Variants in TNFSF13 observed in about 807,000 individuals in gnomAD.
The protein encoded by TNFSF13 is TNF superfamily member 13, also known as tumor necrosis factor ligand superfamily member 13.
A neutral mutation model predicts 30.7 loss-of-function variants in TNFSF13; 18 were observed. That is an observed-to-expected ratio of 0.59 (90% CI 0.41 to 0.87). The LOEUF (loss-of-function observed/expected upper bound fraction) is 0.87, where lower values mean the gene tolerates loss of function less well. Among genes scored for constraint, TNFSF13 ranks in the 40% least tolerant of loss-of-function variants. The pLI is 0.00. For synonymous variants in TNFSF13, 116 were observed against 123.2 expected (o/e 0.94, Z 0.39); for missense variants, 286 against 308.8 (o/e 0.93, Z 0.55).
At chr17:7,560,578 TA>T (rs1489675291) in intron 5 of TNFSF13, 90 bp downstream of exon 5, 15 of 1,610,578 alleles carry the variant, frequency 9.3e-6, no homozygotes, top group Non-Finnish European at 1.3e-5. Context: ...GTTGGAAACC[TA>T]AACAGAGGCG....
chr17:7,560,270 T>C, intron 4 of TNFSF13, 80 bp from the exon 5 acceptor site: 1 of 1,611,392 alleles, frequency 6.2e-7, no homozygotes, highest in South Asian at 1.1e-5. Flanking sequence ...CCCTTCTTTC[T>C]TCCCTCGTTA....
chr17:7,559,339 A>T lies in TNFSF13; in HGVS notation c.258+42A>T, dbSNP rs771871932. ...GGGTGTCTGGGAGAGGATGGTTAGCATGGGGGGTCTCTGGGCCTCCTGGTC... is the reference window on the plus strand; with the variant it reads ...GGGTGTCTGGGAGAGGATGGTTAGCTTGGGGGGTCTCTGGGCCTCCTGGTC... On this transcript the variant is annotated intron_variant, in intron 1 of 5. Transcript: ENST00000338784. This position sits in a 1 kb window ranked among gnomAD's most constrained non-coding sequence, Gnocchi z 5.4. 2.6e-6 allele frequency: 4 copies of T among 1,540,006 alleles called. No homozygotes were observed. Among genetic ancestry groups the T allele is most frequent in the Non-Finnish European group, 3.5e-6 (4 of 1,140,666 alleles).
In TNFSF13 at chr17:7,560,125, T is replaced by C. The variant is rs768031680; in HGVS notation, c.462T>C (p.Gly154=). The C allele has an allele frequency of 1.2e-6, 2 of 1,614,040 alleles. No individual in the cohort carries two copies. The highest frequency in any genetic ancestry group is 1.7e-6 in the Non-Finnish European group (2 of 1,180,028). ...GAGGCCTACAGGCCCAAGGATATGGTGTCCGAATCCAGGATGCTGGAGTTT... is the reference window on the plus strand; with the variant it reads ...GAGGCCTACAGGCCCAAGGATATGGCGTCCGAATCCAGGATGCTGGAGTTT... ...RGRGLQAQGY[G]VRIQDAGVYL... The change falls in exon 4 of 6, where the codon GGT becomes GGC. Residue 154 remains glycine, a synonymous_variant. Transcript: ENST00000338784.
chr17:7,561,550 C>T lies in TNFSF13; in HGVS notation c.*717C>T, dbSNP rs2071205499. The T allele has an allele frequency of 6.1e-6, 1 of 163,400 alleles. No individual in the cohort carries two copies. The allele number at this position is 163,400 out of a possible 1,614,324, so 10.1% of individuals were successfully genotyped here. A position where few individuals can be genotyped will look rare whatever the true frequency, so the allele number is the denominator to read the frequency against. ...TGGTGTTGCCTCACTCCTCTGAGCT[C>T]TTCTTTCTGATCAAGCCCTGCTTAA... On this transcript the variant is annotated 3_prime_UTR_variant, in exon 6 of 6. Coordinates refer to ENST00000338784, the MANE Select transcript of TNFSF13 (RefSeq NM_003808.4). This position sits in a 1 kb window ranked among gnomAD's most constrained non-coding sequence, Gnocchi z 4.4.
chr17:7,559,392 G>A lies in TNFSF13; in HGVS notation c.258+95G>A. 1 of 1,462,750 alleles carries A rather than the reference G, an allele frequency of 6.8e-7. No individual in the cohort carries two copies. The highest frequency in any genetic ancestry group is 9.0e-7 in the Non-Finnish European group (1 of 1,105,054). 90.6% of individuals were successfully genotyped at this position (1,462,750 alleles called of 1,614,324 possible). On this transcript the variant is annotated intron_variant, in intron 1 of 5. Coordinates refer to ENST00000338784, the MANE Select transcript of TNFSF13 (RefSeq NM_003808.4). This position sits in a 1 kb window ranked among gnomAD's most constrained non-coding sequence, Gnocchi z 5.4. ...CAAAGTTTCAAGGGGGTGCAAGAGA[G>A]GGTCTCCGGTTTGGAAGTCAGGGGC...
chr17:7,559,518 G>A lies in TNFSF13; in HGVS notation c.259-106G>A, dbSNP rs1002143987. On this transcript the variant is annotated intron_variant, in intron 1 of 5. Coordinates refer to ENST00000338784, the MANE Select transcript of TNFSF13 (RefSeq NM_003808.4). This position sits in a 1 kb window ranked among gnomAD's most constrained non-coding sequence, Gnocchi z 5.4. ...CCAACACTCAGGGTGCTGGGAAAAG[G>A]TGCGTGAGAGATCTGAGGCATCTCG... The A allele has an allele frequency of 2.1e-5, 31 of 1,469,468 alleles. 1 individual carries two copies. The South Asian group carries it at 3.4e-4, about 16-fold the overall frequency. The allele number at this position is 1,469,468 out of a possible 1,614,324, so 91.0% of individuals were successfully genotyped here.
Position 7,561,301 on chromosome 17 carries a change from C to T in TNFSF13, c.*468C>T, listed in dbSNP as rs138292852. 1,568 of 507,846 alleles carry T rather than the reference C, an allele frequency of 3.1e-3. 30 individuals carry two copies. The highest frequency in any genetic ancestry group is 0.025 in the African/African-American group (1,324 of 52,030). 31.5% of individuals were successfully genotyped at this position (507,846 alleles called of 1,614,324 possible). On this transcript the variant is annotated 3_prime_UTR_variant, in exon 6 of 6. Transcript: ENST00000338784. This position sits in a 1 kb window ranked among gnomAD's most constrained non-coding sequence, Gnocchi z 4.4. ...CCTTATCCTACGTCCTTCTCTCCAT[C>T]TATCGGACCCCAGTTTCCATCACTA...
rs1004813371 is a variant in TNFSF13 at position 7,561,203 on chromosome 17, G to T, written c.*370G>T. The T allele has an allele frequency of 6.4e-6, 5 of 776,866 alleles. No homozygotes were observed. Among genetic ancestry groups the T allele is most frequent in the Non-Finnish European group, 1.0e-5 (5 of 476,826 alleles). The allele number at this position is 776,866 out of a possible 1,614,324, so 48.1% of individuals were successfully genotyped here. On this transcript the variant is annotated 3_prime_UTR_variant, in exon 6 of 6. Coordinates refer to ENST00000338784, the MANE Select transcript of TNFSF13 (RefSeq NM_003808.4). This position sits in a 1 kb window ranked among gnomAD's most constrained non-coding sequence, Gnocchi z 4.4. ...GCCGAAGTCCACGAAGCCGCCCTCT[G>T]CTAGGGAAAACCCCTGGTTCTCCAT...
Position 7,558,983 on chromosome 17 carries a change from G to T in TNFSF13, c.-57G>T, listed in dbSNP as rs953618947. 7 of 1,470,688 alleles carry T rather than the reference G, an allele frequency of 4.8e-6. No individual in the cohort carries two copies. Among genetic ancestry groups the T allele is most frequent in the African/African-American group, 2.8e-5 (2 of 70,430 alleles). 91.1% of individuals were successfully genotyped at this position (1,470,688 alleles called of 1,614,324 possible). ...CACTGCCCGTACCCTTACCCGCCCC[G>T]CCACCTCCTTGCTACCCCACTCTTG... On this transcript the variant is annotated 5_prime_UTR_variant, in exon 1 of 6. Coordinates refer to ENST00000338784, the MANE Select transcript of TNFSF13 (RefSeq NM_003808.4). The surrounding 1 kb of genome is among the most constrained non-coding windows in gnomAD (Gnocchi z 4.3).
Position 7,560,495 on chromosome 17 carries a change from G to C in TNFSF13, c.643+7G>C. The C allele has an allele frequency of 6.2e-6, 10 of 1,614,122 alleles. No homozygotes were observed. The highest frequency in any genetic ancestry group is 8.5e-6 in the Non-Finnish European group (10 of 1,179,984). On this transcript the variant is annotated splice_region_variant and intron_variant, in intron 5 of 5. Coordinates refer to ENST00000338784, the MANE Select transcript of TNFSF13 (RefSeq NM_003808.4). ...AACAGCTGCTATAGCGCAGGTGAGA[G>C]CCGTGTGGGCAGCCGAAAGCAGGAC...
Position 7,561,262 on chromosome 17 carries a change from C to T in TNFSF13, c.*429C>T, listed in dbSNP as rs1223736184. 4 of 583,064 alleles carry T rather than the reference C, an allele frequency of 6.9e-6. No individual in the cohort carries two copies. The highest frequency in any genetic ancestry group is 1.2e-5 in the Non-Finnish European group (4 of 326,850). The allele number at this position is 583,064 out of a possible 1,614,324, so 36.1% of individuals were successfully genotyped here. A position where few individuals can be genotyped will look rare whatever the true frequency, so the allele number is the denominator to read the frequency against. On this transcript the variant is annotated 3_prime_UTR_variant, in exon 6 of 6. Coordinates refer to ENST00000338784, the MANE Select transcript of TNFSF13 (RefSeq NM_003808.4). This position sits in a 1 kb window ranked among gnomAD's most constrained non-coding sequence, Gnocchi z 4.4. ...TCTCTCCAGGTGCCCTCTGCCTCTT[C>T]ACCCCACAAGAAGCCTTATCCTACG... is the stretch of plus-strand genomic sequence containing the variant.
Position 7,560,327 on chromosome 17 carries a change from TCAA to T in TNFSF13, c.505-20_505-18del, listed in dbSNP as rs58840546. On this transcript the variant is annotated intron_variant, in intron 4 of 5. Transcript: ENST00000338784. Reference sequence around the variant, plus strand: ...ACTGAGCCAGGCCATCCTGTTTTCTTCAACATCTCCCTTCCCTGCCAGGTCCTG... The same window carrying T: ...ACTGAGCCAGGCCATCCTGTTTTCTTCATCTCCCTTCCCTGCCAGGTCCTG... 0.073 allele frequency: 118,293 copies of T among 1,614,004 alleles called. 5,095 individuals are homozygous for T. The highest frequency in any genetic ancestry group is 0.17 in the East Asian group (7,422 of 44,874).
In TNFSF13 at chr17:7,558,872, C is replaced by T. The variant is rs1001278704; in HGVS notation, c.-168C>T. The T allele has an allele frequency of 3.7e-6, 3 of 810,792 alleles. No individual in the cohort carries two copies. Among genetic ancestry groups the T allele is most frequent in the Admixed American group, 2.9e-5 (1 of 34,356 alleles). The allele number at this position is 810,792 out of a possible 1,614,324, so 50.2% of individuals were successfully genotyped here. On this transcript the variant is annotated 5_prime_UTR_variant, in exon 1 of 6. Coordinates refer to ENST00000338784, the MANE Select transcript of TNFSF13 (RefSeq NM_003808.4). The surrounding 1 kb of genome is among the most constrained non-coding windows in gnomAD (Gnocchi z 4.3). The stretch of plus-strand genomic sequence containing the variant: ...GGAGTGCCAGGAGCACTAACAGTAC[C>T]CTTAGCTTGCTTTCCTCCTCCCTCC...
Position 7,558,832 on chromosome 17 carries a change from CGCTGG to C in TNFSF13, c.-207_-203del, listed in dbSNP as rs2071115414. On this transcript the variant is annotated 5_prime_UTR_variant, in exon 1 of 6. Coordinates refer to ENST00000338784, the MANE Select transcript of TNFSF13 (RefSeq NM_003808.4). The surrounding 1 kb of genome is among the most constrained non-coding windows in gnomAD (Gnocchi z 4.3). ...GGGAGGGTGGAGGGTCTCAAGGCAA[CGCTGG>C]CCCCACGACGGAGTGCCAGGAGCAC... 1 of 487,826 alleles carries C rather than the reference CGCTGG, an allele frequency of 2.0e-6. No homozygotes were observed. Among genetic ancestry groups the C allele is most frequent in the African/African-American group, 2.0e-5 (1 of 50,206 alleles). The allele number at this position is 487,826 out of a possible 1,614,324, so 30.2% of individuals were successfully genotyped here.
Position 7,560,870 on chromosome 17 carries a change from A to C in TNFSF13, c.*37A>C. ...AAAGTGGCTCCCAGCTTGGAAGACC[A>C]GGGTGGGTACATACTGGAGACAGCC... On this transcript the variant is annotated 3_prime_UTR_variant, in exon 6 of 6. Transcript: ENST00000338784. 1 of 1,613,952 alleles carries C rather than the reference A, an allele frequency of 6.2e-7. No homozygotes were observed. Among genetic ancestry groups the C allele is most frequent in the Non-Finnish European group, 8.5e-7 (1 of 1,179,818 alleles).
chr17:7,560,914 G>C lies in TNFSF13; in HGVS notation c.*81G>C. 1 of 1,614,192 alleles carries C rather than the reference G, an allele frequency of 6.2e-7. No homozygotes were observed. Among genetic ancestry groups the C allele is most frequent in the South Asian group, 1.1e-5 (1 of 91,084 alleles). On this transcript the variant is annotated 3_prime_UTR_variant, in exon 6 of 6. Coordinates refer to ENST00000338784, the MANE Select transcript of TNFSF13 (RefSeq NM_003808.4). ...GACAGCCAAGAGCTGAGTATATAAA[G>C]GAGAGGGAATGTGCAGGAACAGAGG...
rs1026407562 is a variant in TNFSF13, at chr17:7,559,818, G to A, written c.338-28G>A. 35 of 1,613,940 alleles carry A rather than the reference G, an allele frequency of 2.2e-5. No individual in the cohort carries two copies. Among genetic ancestry groups the A allele is most frequent in the Admixed American group, 1.3e-4 (8 of 59,990 alleles). ...CAGCACAACGGGGGAAAGTGGATGC[G>A]GCTGAGATTCCCTCCTTCTCTCCTC... On this transcript the variant is annotated intron_variant, in intron 2 of 5. Transcript: ENST00000338784. This position sits in a 1 kb window ranked among gnomAD's most constrained non-coding sequence, Gnocchi z 5.4.
In TNFSF13 at chr17:7,559,444, T is replaced by TA. The variant is rs2071134730; in HGVS notation, c.258+150dup. 4 of 1,398,778 alleles carry TA rather than the reference T, an allele frequency of 2.9e-6. No homozygotes were observed. The highest frequency in any genetic ancestry group is 5.5e-5 in the Admixed American group (2 of 36,626). The allele number at this position is 1,398,778 out of a possible 1,614,324, so 86.6% of individuals were successfully genotyped here. A position where few individuals can be genotyped will look rare whatever the true frequency, so the allele number is the denominator to read the frequency against. ...CGGCCATTCCAGGAAAGGAAACTGT[T>TA]AAAGGTTAATGCTTCTCATACCTAA... On this transcript the variant is annotated intron_variant, in intron 1 of 5. Transcript: ENST00000338784. This position sits in a 1 kb window ranked among gnomAD's most constrained non-coding sequence, Gnocchi z 5.4.
At chr17:7,560,524 T>TCTGACCGG (rs2071176827) in intron 5 of TNFSF13, 36 bp downstream of exon 5, 3 of 1,613,340 alleles carry the variant, frequency 1.9e-6, no homozygotes, top group South Asian at 2.2e-5. Context: ...GCAGGACGTC[T>TCTGACCGG]CTGACCGGGG....
Sources: allele counts gnomAD v4.1 joint callset, GRCh38; gene constraint gnomAD v4.1.1; non-coding constraint Gnocchi (gnomAD v3.1); transcripts MANE v1.5; gene names NCBI Gene and HGNC (gene_info 2026-07-23, HGNC 2026-07-21).